Variants in CEP55 observed in about 807,000 individuals in gnomAD.
CEP55 encodes the protein centrosomal protein 55.
A neutral mutation model predicts 63.2 loss-of-function variants in CEP55; 57 were observed. That is an observed-to-expected ratio of 0.90 (90% CI 0.73 to 1.13). The LOEUF (loss-of-function observed/expected upper bound fraction) is 1.13, where lower values mean the gene tolerates loss of function less well. Among genes scored for constraint, CEP55 ranks in the 50% most tolerant of loss-of-function variants. CEP55 has a pLI of 0.00. For synonymous variants in CEP55, 178 were observed against 191.6 expected (o/e 0.93, Z 0.59); for missense variants, 456 against 518.9 (o/e 0.88, Z 1.18).
chr10:93,507,323 A>G (rs776049657), intron 4 of CEP55, among the ~76,000 whole-genome samples: 1 of 150,626 alleles, frequency 6.6e-6, no homozygotes, highest in Non-Finnish European at 1.5e-5. Context: ...TCCTGGGTTC[A>G]AGCAGTTCTA....
intron 4 of CEP55, among the ~76,000 whole-genome samples, chr10:93,512,124 G>A (rs1054694998): frequency 2.0e-5 from 3 of 151,284 alleles, no homozygotes; most frequent in African/African-American, 7.3e-5. Flanking sequence ...CTACTCGGGA[G>A]GCTGAGGCAG....
At chr10:93,503,942 T>G (rs1015193646) in intron 3 of CEP55, among the ~76,000 whole-genome samples, 4 of 151,976 alleles carry the variant, frequency 2.6e-5, no homozygotes, top group African/African-American at 9.7e-5. Flanking sequence ...AATACTAGAC[T>G]TCTCCAGACC....
At chr10:93,527,703 A>G (rs1220213791) in intron 8 of CEP55, among the ~76,000 whole-genome samples, 1 of 150,176 alleles carries the variant, frequency 6.7e-6, no homozygotes, top group Admixed American at 6.6e-5. Context: ...TTTTTGTAGA[A>G]TTTTCTATTT....
chr10:93,519,728 A>G lies in CEP55; in HGVS notation c.1112A>G (p.Gln371Arg). The G allele has an allele frequency of 6.2e-7, 1 of 1,614,198 alleles. No homozygotes were observed. Among genetic ancestry groups the G allele is most frequent in the South Asian group, 1.1e-5 (1 of 91,080 alleles). Residue 371 changes from glutamine to arginine, a missense_variant, in exon 8 of 9, where the codon CAA becomes CGA. Physicochemically the swap from Gln to Arg is conservative, Grantham distance 43 (BLOSUM62 1). Transcript: ENST00000371485. Reference protein sequence around the residue: ...LDFENEKLDRQHVQHQLHVIL... With the variant: ...LDFENEKLDRRHVQHQLHVIL... ...TTTGAAAATGAAAAACTCGACCGTC[A>G]ACATGTGCAGCATCAATTGCATGTA...
intron 1 of CEP55, 119 bp from the exon 2 acceptor site, chr10:93,499,921 T>C: frequency 1.5e-6 from 1 of 647,170 alleles, no homozygotes. Context: ...TCTTTCTCCA[T>C]ACCCTGCTGG....
At chr10:93,503,738 T>G (rs937166029) in intron 3 of CEP55, among the ~76,000 whole-genome samples, 1 of 152,192 alleles carries the variant, frequency 6.6e-6, no homozygotes, top group African/African-American at 2.4e-5. Context: ...TTTTCATATT[T>G]GAAACATACA....
At chr10:93,515,292 CTA>C in intron 4 of CEP55, 111 bp from the exon 5 acceptor site, 1 of 903,100 alleles carries the variant, frequency 1.1e-6, no homozygotes, top group Middle Eastern at 2.8e-4. Context: ...CAGAATTAGT[CTA>C]TGAGCCATAG....
chr10:93,518,102 A>G (rs2057822320), intron 6 of CEP55, among the ~76,000 whole-genome samples: 1 of 152,142 alleles, frequency 6.6e-6, no homozygotes, highest in African/African-American at 2.4e-5. Flanking sequence ...GGTGCTGGTG[A>G]TGGGACAGTA....
rs143816016 is a variant in CEP55, at chr10:93,520,161, C to T, written c.1191+354C>T. On this transcript the variant is annotated intron_variant, in intron 8 of 8. Transcript: ENST00000371485. The stretch of plus-strand genomic sequence containing the variant: ...AAGAAAGAAAGGCTGGGCACGATGG[C>T]TTATACCTTTAATCCCAGCGCTTTG... The T allele has an allele frequency of 1.9e-3, 545 of 285,916 alleles. 1 individual carries two copies. The highest frequency in any genetic ancestry group is 0.011 in the African/African-American group (501 of 45,078). The allele number at this position is 285,916 out of a possible 1,614,324, so 17.7% of individuals were successfully genotyped here. A position where few individuals can be genotyped will look rare whatever the true frequency, so the allele number is the denominator to read the frequency against.
chr10:93,521,086 T>C (rs2057856305), intron 8 of CEP55, among the ~76,000 whole-genome samples: 1 of 151,976 alleles, frequency 6.6e-6, no homozygotes, highest in Non-Finnish European at 1.5e-5. Flanking sequence ...TGGGTTCATC[T>C]CAGTGGGGAC....
intron 4 of CEP55, among the ~76,000 whole-genome samples, chr10:93,512,126 C>G (rs2057757416): frequency 6.7e-6 from 1 of 149,982 alleles, no homozygotes; most frequent in Admixed American, 6.7e-5. Context: ...ACTCGGGAGG[C>G]TGAGGCAGGA....
At chr10:93,510,940 T>C (rs1423402002) in intron 4 of CEP55, among the ~76,000 whole-genome samples, 10 of 148,598 alleles carry the variant, frequency 6.7e-5, no homozygotes. Context: ...CACAGGACTT[T>C]TTTTTTTTTT....
chr10:93,524,052 A>C, intron 8 of CEP55, among the ~76,000 whole-genome samples: 1 of 152,198 alleles, frequency 6.6e-6, no homozygotes, highest in East Asian at 1.9e-4. Context: ...GAGCAAACCC[A>C]TTCAAAAGCT....
chr10:93,524,925 T>C (rs1220446936), intron 8 of CEP55, among the ~76,000 whole-genome samples: 1 of 152,056 alleles, frequency 6.6e-6, no homozygotes, highest in African/African-American at 2.4e-5. Flanking sequence ...AATTAGGTAT[T>C]GATGGGACAT....
chr10:93,499,688 A>T (rs7080931), intron 1 of CEP55, among the ~76,000 whole-genome samples: 6,863 of 151,980 alleles, frequency 0.045, 520 homozygotes, highest in African/African-American at 0.16. Flanking sequence ...CGCCTGGCTA[A>T]GTTTTGTAGT....
At chr10:93,497,440 A>G (rs2057583410) in intron 1 of CEP55, among the ~76,000 whole-genome samples, 1 of 151,552 alleles carries the variant, frequency 6.6e-6, no homozygotes, top group Non-Finnish European at 1.5e-5. Flanking sequence ...TAATTTTTGT[A>G]TTTTTAGTAG....
chr10:93,520,224 G>C lies in CEP55; in HGVS notation c.1191+417G>C, dbSNP rs1389106446. 21 of 186,294 alleles carry C rather than the reference G, an allele frequency of 1.1e-4. No homozygotes were observed. The East Asian group carries it at 3.2e-3, about 28-fold the overall frequency. The allele number at this position is 186,294 out of a possible 1,614,324, so 11.5% of individuals were successfully genotyped here. ...AGGCGGATCATGAGGTCAGGAGTTG[G>C]AGACCAGCCTGACCAACATGGTGAA... On this transcript the variant is annotated intron_variant, in intron 8 of 8. Transcript: ENST00000371485.
At chr10:93,524,175 A>G (rs1421699778) in intron 8 of CEP55, among the ~76,000 whole-genome samples, 4 of 151,980 alleles carry the variant, frequency 2.6e-5, no homozygotes, top group Non-Finnish European at 5.9e-5. Flanking sequence ...AAGATCAACA[A>G]AATTGATAGA....
At chr10:93,520,250 AC>A (rs1404852379) in intron 8 of CEP55, 1 of 164,516 alleles carries the variant, frequency 6.1e-6, no homozygotes, top group Non-Finnish European at 1.3e-5. Context: ...ACATGGTGAA[AC>A]CCTGTCTCTA....
Sources: gnomAD v4.1 joint callset for allele counts (sites outside exome capture counted in the v4.1 genomes callset) on GRCh38, gnomAD v4.1.1 for gene constraint, MANE v1.5 for transcripts, NCBI Gene and HGNC (gene_info 2026-07-23, HGNC 2026-07-21) for gene names.